MECOM: variants seen among roughly 807,000 people sequenced by gnomAD.
MECOM encodes the protein MDS1 and EVI1 complex locus.
In MECOM, 13 loss-of-function variants were observed where a neutral mutation model predicts 116.3. The ratio of observed to expected loss-of-function variants is 0.11; its 90% CI spans 0.07 to 0.18. The LOEUF (loss-of-function observed/expected upper bound fraction) is 0.18, where lower values mean the gene tolerates loss of function less well. Ranked by LOEUF, MECOM falls within the 10% of genes least tolerant of loss-of-function variation. MECOM has a pLI of 1.00. For missense variants in MECOM, 1,299 were observed against 1,509.0 expected, an observed-to-expected ratio of 0.86 and a Z score of 2.31; for synonymous variants, 528 against 535.2, an observed-to-expected ratio of 0.99 and a Z score of 0.19.
chr3:169,538,057 T>C (rs1366870225), intron 1 of MECOM, among the ~76,000 whole-genome samples: 1 of 152,164 alleles, frequency 6.6e-6, no homozygotes, highest in Non-Finnish European at 1.5e-5. Flanking sequence ...TTGTCTGAGA[T>C]GGGGTCTAGG....
intron 1 of MECOM, among the ~76,000 whole-genome samples, chr3:169,460,122 C>T (rs564686268): frequency 6.6e-6 from 1 of 152,164 alleles, no homozygotes; most frequent in East Asian, 1.9e-4. Flanking sequence ...GGATCTCAGA[C>T]TCCCACGTCC....
At chr3:169,568,677 T>C (rs1055159374) in intron 1 of MECOM, among the ~76,000 whole-genome samples, 1 of 152,158 alleles carries the variant, frequency 6.6e-6, no homozygotes, top group Non-Finnish European at 1.5e-5. Flanking sequence ...AGATTCCTCA[T>C]CTCTGGGCAG....
At chr3:169,215,873 T>A (rs899652969) in intron 2 of MECOM, among the ~76,000 whole-genome samples, 4 of 152,216 alleles carry the variant, frequency 2.6e-5, no homozygotes, top group African/African-American at 9.6e-5. Context: ...AAGGCTGGCA[T>A]TCCGCCTCAG....
At chr3:169,388,741 G>A (rs1410605900) in intron 1 of MECOM, among the ~76,000 whole-genome samples, 3 of 152,154 alleles carry the variant, frequency 2.0e-5, no homozygotes, top group Admixed American at 1.3e-4. Context: ...TAGAACCCGT[G>A]TCTCTAGATA....
At chr3:169,642,404 G>T (rs142418087) in intron 1 of MECOM, among the ~76,000 whole-genome samples, 1 of 146,820 alleles carries the variant, frequency 6.8e-6, no homozygotes, top group African/African-American at 2.5e-5. Flanking sequence ...CCGAGATCGC[G>T]CCACTGCCCT....
chr3:169,496,685 C>T (rs1753857144), intron 1 of MECOM, among the ~76,000 whole-genome samples: 1 of 152,190 alleles, frequency 6.6e-6, no homozygotes, highest in Non-Finnish European at 1.5e-5. Flanking sequence ...ATCATAAAGC[C>T]TTCCTCAGAG....
At position 169,605,999 on chromosome 3, in the gene MECOM, G is replaced by A. The variant is rs559548715; in HGVS notation, c.37+57337C>T. ...GAAAATGTGATCATTTTCCAAGCAG[G>A]TGAAAGTTGACTGGTAGGACCAGTT... On this transcript the variant is annotated intron_variant, in intron 1 of 16. Transcript: ENST00000651503. Among the ~76,000 whole-genome samples the A allele has an allele frequency of 1.7e-4, 26 of 152,278 alleles. 2 individuals carry two copies. In the South Asian group the frequency reaches 5.4e-3, roughly 32 times the overall value.
In MECOM at chr3:169,438,785, A is replaced by G. The variant is rs544351888; in HGVS notation, c.38-57261T>C. Among the ~76,000 whole-genome samples, 16 of 152,316 alleles carry G rather than the reference A, an allele frequency of 1.1e-4. No individual in the cohort carries two copies. In the South Asian group the frequency reaches 3.3e-3, roughly 32 times the overall value. ...CCAATATGCAGTGTTCGATCCAATC[A>G]TTTAAAACCATGTGTGTTTGGCAAA... is the stretch of plus-strand genomic sequence containing the variant. On this transcript the variant is annotated intron_variant, in intron 1 of 16. Transcript: ENST00000651503.
intron 2 of MECOM, among the ~76,000 whole-genome samples, chr3:169,171,928 G>T (rs1247028162): frequency 6.6e-6 from 1 of 152,118 alleles, no homozygotes; most frequent in East Asian, 1.9e-4. Flanking sequence ...GGAATGCCAG[G>T]TCATTCCAGA....
At chr3:169,333,613 A>T (rs1723099524) in intron 2 of MECOM, among the ~76,000 whole-genome samples, 1 of 152,178 alleles carries the variant, frequency 6.6e-6, no homozygotes, top group African/African-American at 2.4e-5. Context: ...TATTTGTATT[A>T]CAAGTAAATA....
At chr3:169,593,105 A>G (rs1034899092) in intron 1 of MECOM, among the ~76,000 whole-genome samples, 5 of 152,188 alleles carry the variant, frequency 3.3e-5, no homozygotes, top group African/African-American at 1.2e-4. Flanking sequence ...TGCCCAGGCT[A>G]GTCTGAAAAT....
At chr3:169,313,774 G>A (rs1719229515) in intron 2 of MECOM, among the ~76,000 whole-genome samples, 1 of 152,202 alleles carries the variant, frequency 6.6e-6, no homozygotes, top group South Asian at 2.1e-4. Context: ...GAGAGGTGCA[G>A]AGGAAGAGTA....
At chr3:169,208,356 A>C (rs1356767527) in intron 2 of MECOM, among the ~76,000 whole-genome samples, 1 of 149,770 alleles carries the variant, frequency 6.7e-6, no homozygotes, top group Non-Finnish European at 1.5e-5. Context: ...ATTTGGGTAC[A>C]TTTATTAAAA....
chr3:169,197,116 G>C (rs888395821), intron 2 of MECOM, among the ~76,000 whole-genome samples: 6 of 151,854 alleles, frequency 4.0e-5, no homozygotes, highest in African/African-American at 1.4e-4. Context: ...TAAACATCAA[G>C]AACTCATTGA....
chr3:169,486,502 C>T (rs2108892336), intron 1 of MECOM, among the ~76,000 whole-genome samples: 1 of 151,950 alleles, frequency 6.6e-6, no homozygotes, highest in Admixed American at 6.5e-5. Context: ...ATCAGAATCT[C>T]CTTTGAGAAA....
At chr3:169,574,482 G>A (rs1009985285) in intron 1 of MECOM, among the ~76,000 whole-genome samples, 10 of 152,168 alleles carry the variant, frequency 6.6e-5, no homozygotes, top group Admixed American at 1.3e-4. Context: ...AAATTTAGCC[G>A]ATGCAAAACA....
intron 2 of MECOM, among the ~76,000 whole-genome samples, chr3:169,314,320 A>T (rs1278537496): frequency 6.6e-6 from 1 of 152,230 alleles, no homozygotes; most frequent in African/African-American, 2.4e-5. Flanking sequence ...ATAGATGAAC[A>T]AATAAATGAA....
chr3:169,236,451 A>C (rs1343316335), intron 2 of MECOM, among the ~76,000 whole-genome samples: 2 of 152,224 alleles, frequency 1.3e-5, no homozygotes, highest in African/African-American at 4.8e-5. Flanking sequence ...TAAATGAATA[A>C]GGGGAGACAT....
At chr3:169,555,790 T>C (rs1489743610) in intron 1 of MECOM, among the ~76,000 whole-genome samples, 1 of 152,214 alleles carries the variant, frequency 6.6e-6, no homozygotes, top group Non-Finnish European at 1.5e-5. Flanking sequence ...TTAATACCTG[T>C]TGGAACATAT....
Sources: gnomAD v4.1 joint callset for allele counts (sites outside exome capture counted in the v4.1 genomes callset) on GRCh38, gnomAD v4.1.1 for gene constraint, MANE v1.5 for transcripts, NCBI Gene and HGNC (gene_info 2026-07-23, HGNC 2026-07-21) for gene names.